The following CDH4 variants were observed in gnomAD, a reference collection of about 807,000 sequenced individuals.
The protein encoded by CDH4 is cadherin-4.
In CDH4, 33 loss-of-function variants were observed where a neutral mutation model predicts 86.0. That is an observed-to-expected ratio of 0.38 (90% confidence interval 0.29 to 0.51). The LOEUF is 0.51. Ranked by LOEUF, CDH4 falls within the 20% of genes least tolerant of loss-of-function variation. The pLI, the probability that CDH4 is intolerant of heterozygous loss-of-function variation, is 0.86. For missense variants in CDH4, 1,114 were observed against 1,307.4 expected (o/e 0.85, Z 2.28); for synonymous variants, 555 against 549.4 (o/e 1.01, Z -0.14).
intron 3 of CDH4, among the ~76,000 whole-genome samples, chr20:61,756,596 C>G (rs980225129): frequency 6.6e-6 from 1 of 151,654 alleles, no homozygotes; most frequent in Non-Finnish European, 1.5e-5. Flanking sequence ...GTCCCTCCCC[C>G]CATCTCCTGG....
At chr20:61,746,813 T>C (rs2088420041) in intron 3 of CDH4, among the ~76,000 whole-genome samples, 1 of 152,234 alleles carries the variant, frequency 6.6e-6, no homozygotes, top group South Asian at 2.1e-4. Flanking sequence ...CACAGTCCTG[T>C]GCTTATCACA....
At chr20:61,422,285 G>A (rs1431329648) in intron 2 of CDH4, among the ~76,000 whole-genome samples, 7 of 134,578 alleles carry the variant, frequency 5.2e-5, no homozygotes, top group Admixed American at 1.5e-4. Context: ...TTAGCCAGGC[G>A]TGGTAGTGCA....
chr20:61,751,202 T>C (rs975569044), intron 3 of CDH4, among the ~76,000 whole-genome samples: 17 of 152,210 alleles, frequency 1.1e-4, no homozygotes, highest in South Asian at 2.1e-4. Flanking sequence ...AGACAAGTTG[T>C]TGGGGCTGTC....
chr20:61,516,104 C>T lies in CDH4; in HGVS notation c.170-227459C>T, dbSNP rs974138668. Among the ~76,000 whole-genome samples, 10 of 152,198 alleles carry T rather than the reference C, an allele frequency of 6.6e-5. No homozygotes were observed. Among genetic ancestry groups the T allele is most frequent in the East Asian group, 1.9e-4 (1 of 5,182 alleles). On this transcript the variant is annotated intron_variant, in intron 2 of 15. Coordinates refer to ENST00000614565, the MANE Select transcript of CDH4 (RefSeq NM_001794.5). This position sits in a 1 kb window ranked among gnomAD's most constrained non-coding sequence, Gnocchi z 4.0. ...CCACAGGGGCTCGCCTCGTGCTCTG[C>T]GTTGCACTGGCAGAGGGGCAGCACA...
intron 2 of CDH4, among the ~76,000 whole-genome samples, chr20:61,546,411 G>A (rs148502735): frequency 6.6e-6 from 1 of 151,824 alleles, no homozygotes; most frequent in African/African-American, 2.4e-5. Flanking sequence ...GCGTGTGTGT[G>A]TGTGCGTTAG....
intron 2 of CDH4, among the ~76,000 whole-genome samples, chr20:61,354,057 C>T (rs1006576538): frequency 6.6e-5 from 10 of 151,942 alleles, no homozygotes; most frequent in Non-Finnish European, 1.2e-4. Context: ...TGGTTTTCAA[C>T]GAGGGGTGAT....
At chr20:61,341,642 G>C (rs769125531) in intron 2 of CDH4, among the ~76,000 whole-genome samples, 2 of 151,766 alleles carry the variant, frequency 1.3e-5, no homozygotes, top group Non-Finnish European at 2.9e-5. Context: ...CAAAGCAGAA[G>C]CTCCTTCTTC....
intron 2 of CDH4, among the ~76,000 whole-genome samples, chr20:61,433,785 G>C (rs1600974953): frequency 6.6e-6 from 1 of 152,268 alleles, no homozygotes; most frequent in East Asian, 1.9e-4. Flanking sequence ...TCCCTGGAGG[G>C]TGTGTCCCTT....
At chr20:61,698,540 G>A (rs920137157) in intron 2 of CDH4, among the ~76,000 whole-genome samples, 8 of 152,252 alleles carry the variant, frequency 5.3e-5, no homozygotes, top group African/African-American at 1.7e-4. Context: ...TGGTCAGGCG[G>A]TCAGCAGCAA....
At chr20:61,876,633 T>G (rs1298261245) in intron 7 of CDH4, among the ~76,000 whole-genome samples, 1 of 152,114 alleles carries the variant, frequency 6.6e-6, no homozygotes, top group Non-Finnish European at 1.5e-5. Context: ...GGTTTTCGTA[T>G]TATAATGATA....
chr20:61,313,372 G>A (rs965349905), intron 2 of CDH4, among the ~76,000 whole-genome samples: 19 of 152,124 alleles, frequency 1.2e-4, no homozygotes, highest in African/African-American at 4.3e-4. Context: ...AGCACTCCCC[G>A]GGAAGCCTAC....
chr20:61,700,652 A>C (rs908872843), intron 2 of CDH4, among the ~76,000 whole-genome samples: 2 of 151,280 alleles, frequency 1.3e-5, no homozygotes, highest in South Asian at 2.1e-4. Flanking sequence ...ATACAGCCTC[A>C]CTGTGGGGCC....
chr20:61,693,821 A>T (rs2087686733), intron 2 of CDH4, among the ~76,000 whole-genome samples: 1 of 151,038 alleles, frequency 6.6e-6, no homozygotes, highest in African/African-American at 2.4e-5. Context: ...ATCAGAAACG[A>T]ATTGTCACTC....
At chr20:61,475,300 C>T (rs112901506) in intron 2 of CDH4, among the ~76,000 whole-genome samples, 4,318 of 151,686 alleles carry the variant, frequency 0.028, 101 homozygotes, top group Non-Finnish European at 0.044. Context: ...CCAACCCCAG[C>T]CCCCTCCAAC....
intron 2 of CDH4, among the ~76,000 whole-genome samples, chr20:61,619,393 G>A (rs1386227697): frequency 1.3e-5 from 2 of 152,212 alleles, no homozygotes; most frequent in East Asian, 3.8e-4. Context: ...TCTGGAACTT[G>A]TGGGAAGCCC....
intron 4 of CDH4, among the ~76,000 whole-genome samples, chr20:61,838,996 GA>G (rs1441477486): frequency 4.6e-5 from 7 of 152,248 alleles, no homozygotes; most frequent in African/African-American, 1.7e-4. Context: ...TCCATGGAGA[GA>G]GGGGAACTGC....
intron 2 of CDH4, among the ~76,000 whole-genome samples, chr20:61,603,711 G>A (rs537216598): frequency 1.3e-5 from 2 of 152,348 alleles, no homozygotes; most frequent in Admixed American, 1.3e-4. Flanking sequence ...TGCCTGGGGT[G>A]CCAGTGGAGG....
intron 2 of CDH4, among the ~76,000 whole-genome samples, chr20:61,411,320 A>G (rs1408838863): frequency 1.3e-5 from 2 of 148,270 alleles, no homozygotes; most frequent in Non-Finnish European, 3.0e-5. Flanking sequence ...CCCACTGAGC[A>G]TCCACCTCTG....
chr20:61,731,964 A>G (rs995528039), intron 2 of CDH4, among the ~76,000 whole-genome samples: 2 of 151,540 alleles, frequency 1.3e-5, no homozygotes, highest in African/African-American at 2.4e-5. Context: ...CCCTTAGGAG[A>G]TTCTCCTTCA....
Sources: allele counts gnomAD v4.1 joint callset (sites outside exome capture counted in the v4.1 genomes callset), GRCh38; gene constraint gnomAD v4.1.1; non-coding constraint Gnocchi (gnomAD v3.1); transcripts MANE v1.5; gene names NCBI Gene and HGNC (gene_info 2026-07-23, HGNC 2026-07-21).